The following FHL2 variants were observed in gnomAD, a reference collection of about 807,000 sequenced individuals.
The protein encoded by FHL2 is four and a half LIM domains protein 2.
A neutral mutation model predicts 32.7 loss-of-function variants in FHL2; 20 were observed. That is an observed-to-expected ratio of 0.61 (90% confidence interval 0.43 to 0.89). The LOEUF is 0.89. Among genes scored for constraint, FHL2 ranks in the 40% least tolerant of loss-of-function variants. The pLI is 0.00. For synonymous variants in FHL2, 123 were observed against 128.1 expected (o/e 0.96, Z 0.27); for missense variants, 311 against 358.6 (o/e 0.87, Z 1.07).
intron 1 of FHL2, among the ~76,000 whole-genome samples, chr2:105,417,310 A>C (rs1426989796): frequency 6.6e-6 from 1 of 151,592 alleles, no homozygotes; most frequent in African/African-American, 2.4e-5. Flanking sequence ...TGAACCCAGG[A>C]GGCAGAGGTT....
intron 1 of FHL2, among the ~76,000 whole-genome samples, chr2:105,437,427 T>C (rs1220469214): frequency 6.6e-6 from 1 of 152,218 alleles, no homozygotes; most frequent in Non-Finnish European, 1.5e-5. Context: ...TAAAATATTA[T>C]GTATCGATAA....
upstream of FHL2, chr2:105,399,118 C>G: frequency 1.4e-6 from 2 of 1,407,536 alleles, no homozygotes; most frequent in Admixed American, 3.4e-5. Context: ...AGGAGATGCA[C>G]GCCTCGGCTC....
chr2:105,362,168 C>T (rs1291116304), intron 6 of FHL2, among the ~76,000 whole-genome samples: 1 of 152,188 alleles, frequency 6.6e-6, no homozygotes, highest in Non-Finnish European at 1.5e-5. Flanking sequence ...CTGCTGAAAA[C>T]AGCATTAAAG....
At chr2:105,416,410 C>T (rs139615504) in intron 1 of FHL2, among the ~76,000 whole-genome samples, 12 of 152,302 alleles carry the variant, frequency 7.9e-5, no homozygotes, top group East Asian at 3.9e-4. Context: ...CAACCTTATA[C>T]AGAAATGTCG....
At chr2:105,377,719 C>T (rs1409819772) in intron 3 of FHL2, 4 of 222,052 alleles carry the variant, frequency 1.8e-5, no homozygotes, top group African/African-American at 2.3e-5. Flanking sequence ...CCTGTGCAGG[C>T]GAGCCACCTC....
intron 2 of FHL2, among the ~76,000 whole-genome samples, chr2:105,395,923 C>T (rs1308680422): frequency 6.6e-6 from 1 of 152,132 alleles, no homozygotes; most frequent in Non-Finnish European, 1.5e-5. Flanking sequence ...AAGACACCAC[C>T]CACGAGCACT....
chr2:105,401,932 CAT>C (rs1186914881), upstream of FHL2, among the ~76,000 whole-genome samples: 2 of 151,678 alleles, frequency 1.3e-5, no homozygotes, highest in Non-Finnish European at 1.5e-5. Flanking sequence ...TTACTGTACA[CAT>C]TTTTATTTCT....
At chr2:105,366,214 AAAG>A (rs1442906409) in intron 5 of FHL2, among the ~76,000 whole-genome samples, 1 of 152,156 alleles carries the variant, frequency 6.6e-6, no homozygotes, top group African/African-American at 2.4e-5. Context: ...TGTCTCAAAA[AAAG>A]AAAAAAAAAA....
intron 1 of FHL2, among the ~76,000 whole-genome samples, chr2:105,428,402 C>T (rs1004667306): frequency 1.3e-5 from 2 of 152,216 alleles, no homozygotes; most frequent in African/African-American, 4.8e-5. Flanking sequence ...TTCTTTTGTA[C>T]CCAAATAATT....
intron 1 of FHL2, 118 bp downstream of exon 1, chr2:105,398,724 G>T (rs1683318785): frequency 1.2e-6 from 1 of 801,122 alleles, no homozygotes; most frequent in Non-Finnish European, 1.8e-6. Context: ...CCAGGGTTCG[G>T]CTCTCCTCTC....
At chr2:105,367,924 G>T (rs1680751614) in intron 4 of FHL2, among the ~76,000 whole-genome samples, 185 bp from the exon 5 acceptor site, 1 of 152,130 alleles carries the variant, frequency 6.6e-6, no homozygotes, top group Non-Finnish European at 1.5e-5. Context: ...TTTGTCTTTT[G>T]GTTCACTACT....
chr2:105,436,339 T>C (rs1324142277), intron 1 of FHL2, among the ~76,000 whole-genome samples: 1 of 152,180 alleles, frequency 6.6e-6, no homozygotes, highest in East Asian at 1.9e-4. Context: ...GAACTGATGT[T>C]ATATTGCTAT....
chr2:105,406,396 A>G (rs111960209), intron 1 of FHL2, among the ~76,000 whole-genome samples: 2,178 of 151,742 alleles, frequency 0.014, 28 homozygotes, highest in South Asian at 0.043. Flanking sequence ...GCGGTGAATC[A>G]CCATCAGATA....
chr2:105,398,737 G>C (rs60968240), intron 1 of FHL2, 105 bp downstream of exon 1: 169,590 of 715,278 alleles, frequency 0.24, 17,199 homozygotes, highest in East Asian at 0.31. Context: ...CTCCTCTCCC[G>C]GGTCTACCCC....
chr2:105,419,629 C>T (rs1684039730), intron 1 of FHL2, among the ~76,000 whole-genome samples: 1 of 152,150 alleles, frequency 6.6e-6, no homozygotes, highest in Non-Finnish European at 1.5e-5. Flanking sequence ...GTGTACTCTC[C>T]CAGTCCTAGA....
chr2:105,409,241 G>T (rs762647985), intron 1 of FHL2, among the ~76,000 whole-genome samples: 10 of 152,138 alleles, frequency 6.6e-5, no homozygotes, highest in Non-Finnish European at 1.3e-4. Flanking sequence ...TTTTTGTTGG[G>T]GAAATATTCA....
chr2:105,361,730 A>G (rs773581123), intron 6 of FHL2, among the ~76,000 whole-genome samples: 11 of 152,220 alleles, frequency 7.2e-5, no homozygotes, highest in African/African-American at 2.7e-4. Flanking sequence ...ATGAAACTCC[A>G]TGAGAAGAGG....
intron 2 of FHL2, among the ~76,000 whole-genome samples, chr2:105,390,999 A>T (rs1682690529): frequency 1.4e-5 from 2 of 141,238 alleles, no homozygotes; most frequent in Admixed American, 7.1e-5. Context: ...GTGTATGTGT[A>T]TTTTTTTTTT....
At chr2:105,399,324 G>A (rs1683371144), upstream of FHL2, 2 of 1,535,694 alleles carry the variant, frequency 1.3e-6, no homozygotes, top group Non-Finnish European at 8.7e-7. Flanking sequence ...CGCGAGTTTC[G>A]GACGAGGCCT....
Sources: gnomAD v4.1 joint callset for allele counts (sites outside exome capture counted in the v4.1 genomes callset) on GRCh38, gnomAD v4.1.1 for gene constraint, MANE v1.5 for transcripts, NCBI Gene and HGNC (gene_info 2026-07-23, HGNC 2026-07-21) for gene names.